Variants in DHX32 observed in about 807,000 individuals in gnomAD.
DHX32 encodes the protein putative pre-mRNA-splicing factor ATP-dependent RNA helicase DHX32.
Under a neutral mutation model 70.0 loss-of-function variants are expected in DHX32, and 51 were observed. The ratio of observed to expected loss-of-function variants is 0.73; its 90% CI spans 0.58 to 0.92. The LOEUF is 0.92. Ranked by LOEUF, DHX32 falls within the 40% of genes least tolerant of loss-of-function variation. The pLI is 0.00. For synonymous variants in DHX32, 310 were observed against 315.3 expected, an observed-to-expected ratio of 0.98 and a Z score of 0.18; for missense variants, 762 against 891.8, an observed-to-expected ratio of 0.85 and a Z score of 1.85.
intron 6 of DHX32, among the ~76,000 whole-genome samples, chr10:125,851,570 A>G (rs548059647): frequency 2.0e-5 from 3 of 152,268 alleles, no homozygotes; most frequent in African/African-American, 7.2e-5. Context: ...TGGAAGAGCA[A>G]TTTTCAAAAA....
At chr10:125,867,517 A>C (rs1368900133) in intron 1 of DHX32, among the ~76,000 whole-genome samples, 1 of 152,174 alleles carries the variant, frequency 6.6e-6, no homozygotes, top group Admixed American at 6.5e-5. Context: ...TGGGCGGATC[A>C]CGAAGTCAGG....
upstream of DHX32, among the ~76,000 whole-genome samples, chr10:125,883,986 C>T (rs1043075816): frequency 6.6e-6 from 1 of 152,202 alleles, no homozygotes; most frequent in African/African-American, 2.4e-5. Flanking sequence ...AGAAGCCAGA[C>T]AAGCTTGTTT....
At chr10:125,882,349 G>A (rs1344148404), upstream of DHX32, among the ~76,000 whole-genome samples, 1 of 152,136 alleles carries the variant, frequency 6.6e-6, no homozygotes, top group Admixed American at 6.6e-5. Flanking sequence ...TAGATGGTTG[G>A]AGCCAGTGTG....
intron 6 of DHX32, among the ~76,000 whole-genome samples, chr10:125,845,186 T>C (rs1429683254): frequency 6.6e-6 from 1 of 152,166 alleles, no homozygotes; most frequent in East Asian, 1.9e-4. Flanking sequence ...ATGTTTCCCA[T>C]GTTCTTATAG....
chr10:125,855,012 T>A (rs1267196913), intron 3 of DHX32, among the ~76,000 whole-genome samples: 2 of 151,840 alleles, frequency 1.3e-5, no homozygotes, highest in African/African-American at 4.8e-5. Flanking sequence ...GATCATGAAG[T>A]CAAGAGATTG....
chr10:125,890,513 A>C (rs1416001223), intron 1 of DHX32: 1 of 152,234 alleles, frequency 6.6e-6, no homozygotes, highest in African/African-American at 2.4e-5. Flanking sequence ...TAAGTAAGCA[A>C]ATCTAGTTAA....
chr10:125,853,337 C>T (rs781027414), intron 4 of DHX32: 16 of 646,852 alleles, frequency 2.5e-5, no homozygotes, highest in East Asian at 9.3e-5. Flanking sequence ...TTGTTAGTTT[C>T]GTTTGAGATC....
rs540428378 is a variant in DHX32, at chr10:125,866,240, A to G, written c.476+750T>C. 6.6e-6 allele frequency among the ~76,000 whole-genome samples: 1 copy of G among 152,368 alleles called. No individual in the cohort carries two copies. Among genetic ancestry groups the G allele is most frequent in the East Asian group, 1.9e-4 (1 of 5,182 alleles). On this transcript the variant is annotated intron_variant, in intron 2 of 10. Transcript: ENST00000284690. The surrounding 1 kb of genome is among the most constrained non-coding windows in gnomAD (Gnocchi z 4.8). ...GGCTGTAATATAAAGGTGCTTGAGA[A>G]GCACTAGCCCAGAGCAGTGATTTTT...
At chr10:125,839,456 G>C (rs1854807605) in intron 8 of DHX32, among the ~76,000 whole-genome samples, 1 of 151,896 alleles carries the variant, frequency 6.6e-6, no homozygotes, top group Admixed American at 6.6e-5. Flanking sequence ...TGTGGAAACT[G>C]TTCCTAGTGG....
At chr10:125,879,273 C>T (rs901924845) in intron 1 of DHX32, among the ~76,000 whole-genome samples, 3 of 152,006 alleles carry the variant, frequency 2.0e-5, no homozygotes, top group Non-Finnish European at 4.4e-5. Flanking sequence ...ATCCTCCTGC[C>T]TCAGCCTCCC....
At chr10:125,841,618 G>C in intron 7 of DHX32, 125 bp downstream of exon 7, 1 of 1,466,828 alleles carries the variant, frequency 6.8e-7, no homozygotes, top group Non-Finnish European at 8.9e-7. Flanking sequence ...CATTTCAAAA[G>C]GTTAAATGAG....
At chr10:125,891,353 CTTTTT>C (rs33930520) in intron 1 of DHX32, among the ~76,000 whole-genome samples, 16 of 134,646 alleles carry the variant, frequency 1.2e-4, no homozygotes, top group African/African-American at 4.6e-4. Flanking sequence ...CTCTCTCTCT[CTTTTT>C]TTTTTTAAGT....
chr10:125,869,279 A>T (rs1297747847), intron 1 of DHX32: 1 of 152,174 alleles, frequency 6.6e-6, no homozygotes, highest in Non-Finnish European at 1.5e-5. Flanking sequence ...ACTTGTTTTT[A>T]AAAAATTTTC....
chr10:125,880,495 T>G (rs1454935024), intron 1 of DHX32, 48 bp downstream of exon 1: 1 of 1,523,442 alleles, frequency 6.6e-7, no homozygotes, highest in East Asian at 2.3e-5. Flanking sequence ...AAATAACAAT[T>G]AAAAAATCAA....
intron 2 of DHX32, among the ~76,000 whole-genome samples, chr10:125,865,238 G>A (rs1944213888): frequency 6.6e-6 from 1 of 152,088 alleles, no homozygotes; most frequent in Non-Finnish European, 1.5e-5. Flanking sequence ...GTCCTGTCCA[G>A]CTCTTTAACT....
At chr10:125,853,936 G>C in intron 4 of DHX32, 25 bp downstream of exon 4, 1 of 1,609,042 alleles carries the variant, frequency 6.2e-7, no homozygotes, top group South Asian at 1.1e-5. Flanking sequence ...TCAGCAGTCT[G>C]TTTAGCCTAC....
At chr10:125,870,823 C>T (rs977437546) in intron 1 of DHX32, among the ~76,000 whole-genome samples, 45 of 151,838 alleles carry the variant, frequency 3.0e-4, no homozygotes, top group African/African-American at 9.2e-4. Context: ...GGCAACAGAG[C>T]GAGACTCTGT....
At chr10:125,876,953 T>C (rs1427979186) in intron 1 of DHX32, among the ~76,000 whole-genome samples, 1 of 152,152 alleles carries the variant, frequency 6.6e-6, no homozygotes, top group East Asian at 1.9e-4. Flanking sequence ...TTTCAGTAAA[T>C]AAATACTCTG....
rs140291654 is a variant in DHX32, at chr10:125,847,149, C to T, written c.1351+5144G>A. 6.9e-4 allele frequency among the ~76,000 whole-genome samples: 105 copies of T among 151,712 alleles called. No individual in the cohort carries two copies. The South Asian group carries it at 9.9e-3, about 14-fold the overall frequency. On this transcript the variant is annotated intron_variant, in intron 6 of 10. Transcript: ENST00000284690. ...GCTAACTACTCATATAGAAAACACC[C>T]ATTGTATGGTCATTTTAAAACCCAT...
Sources: gnomAD v4.1 joint callset for allele counts (sites outside exome capture counted in the v4.1 genomes callset) on GRCh38, gnomAD v4.1.1 for gene constraint, Gnocchi (gnomAD v3.1) non-coding constraint, MANE v1.5 for transcripts, NCBI Gene and HGNC (gene_info 2026-07-23, HGNC 2026-07-21) for gene names.